LRP1B: variants seen among roughly 807,000 people sequenced by gnomAD.
LRP1B encodes the protein low-density lipoprotein receptor-related protein 1B.
LRP1B carries 217 observed loss-of-function variants against 556.6 expected under a neutral mutation model. The ratio of observed to expected loss-of-function variants is 0.39; its 90% confidence interval spans 0.35 to 0.44. The LOEUF (loss-of-function observed/expected upper bound fraction) is 0.44. Among genes scored for constraint, LRP1B ranks in the 20% least tolerant of loss-of-function variants. The pLI is 1.00. For synonymous variants in LRP1B, 2,047 were observed against 1,865.8 expected (o/e 1.10, Z -2.50); for missense variants, 5,053 against 5,620.8 (o/e 0.90, Z 3.23).
chr2:141,107,822 A>G (rs761185787), intron 7 of LRP1B, among the ~76,000 whole-genome samples: 8 of 152,186 alleles, frequency 5.3e-5, no homozygotes, highest in African/African-American at 1.2e-4. Context: ...TGATATGATC[A>G]CAGTTTTATT....
In LRP1B at chr2:140,552,427, G is replaced by GA. The variant is rs531226832; in HGVS notation, c.7195-10457dup. On this transcript the variant is annotated intron_variant, in intron 43 of 90. Coordinates refer to ENST00000389484, the MANE Select transcript of LRP1B (RefSeq NM_018557.3). ...TACTTCTGCTGACATAGAGAGAGGA[G>GA]AAAAAAATATTAAATTTAGTCCATA... 3.3e-5 allele frequency among the ~76,000 whole-genome samples: 5 copies of GA among 152,102 alleles called. No individual in the cohort carries two copies. In the South Asian group the frequency reaches 6.2e-4, roughly 19 times the overall value.
chr2:141,140,196 C>G (rs533027370), intron 7 of LRP1B, among the ~76,000 whole-genome samples: 2 of 152,098 alleles, frequency 1.3e-5, no homozygotes, highest in Admixed American at 1.3e-4. Flanking sequence ...GGAAAAACTA[C>G]ATAGAGCACA....
At chr2:140,879,416 A>T (rs1346804792) in intron 25 of LRP1B, among the ~76,000 whole-genome samples, 1 of 152,170 alleles carries the variant, frequency 6.6e-6, no homozygotes, top group Admixed American at 6.5e-5. Context: ...CAGTGTTAGT[A>T]TACTTCTATG....
chr2:141,288,915 C>T (rs972326303), intron 3 of LRP1B, among the ~76,000 whole-genome samples: 1 of 152,158 alleles, frequency 6.6e-6, no homozygotes, highest in African/African-American at 2.4e-5. Context: ...CTAGAAAGTG[C>T]AGACATCACT....
chr2:140,903,055 T>C lies in LRP1B; in HGVS notation c.3631A>G (p.Thr1211Ala), dbSNP rs1694149288. The change falls in exon 23 of 91, where the codon ACA becomes GCA. Residue 1211 changes from threonine (T) to alanine (A), a missense_variant. Coordinates refer to ENST00000389484, the MANE Select transcript of LRP1B (RefSeq NM_018557.3). ...EGLQLNKDNK[T>A]CEIVDYCSNH... The stretch of plus-strand genomic sequence containing the variant: ...CTACAATAATCCACAATTTCACATG[T>C]TTTATTGTCTTTGTTGAGTTGAAGT... The C allele has an allele frequency of 6.2e-7, 1 of 1,613,564 alleles. No individual in the cohort carries two copies.
chr2:141,230,765 G>A (rs923427699), intron 5 of LRP1B, among the ~76,000 whole-genome samples: 1 of 152,096 alleles, frequency 6.6e-6, no homozygotes, highest in African/African-American at 2.4e-5. Context: ...TGGCTTACTT[G>A]CTCACCTCTT....
At chr2:140,398,521 T>TGTTGTTGTTGTCGTC (rs1336445447) in intron 66 of LRP1B, among the ~76,000 whole-genome samples, 1 of 151,916 alleles carries the variant, frequency 6.6e-6, no homozygotes, top group South Asian at 2.1e-4. Flanking sequence ...CTTTCTCTTT[T>TGTTGTTGTTGTCGTC]GTTGTTGTTG....
chr2:141,766,179 T>G (rs945894932), intron 2 of LRP1B, among the ~76,000 whole-genome samples: 2 of 152,174 alleles, frequency 1.3e-5, no homozygotes, highest in Admixed American at 6.5e-5. Context: ...TAGAGAAGTA[T>G]AGATTTTCAG....
chr2:140,492,509 A>G, intron 57 of LRP1B, 99 bp downstream of exon 57: 1 of 736,734 alleles, frequency 1.4e-6, no homozygotes, highest in Non-Finnish European at 2.3e-6. Flanking sequence ...ACAACTAAAA[A>G]TATGCTTCAC....
chr2:141,113,521 T>C (rs1700806050), intron 7 of LRP1B, among the ~76,000 whole-genome samples: 1 of 152,158 alleles, frequency 6.6e-6, no homozygotes, highest in Non-Finnish European at 1.5e-5. Flanking sequence ...CTGCTTAGTT[T>C]TAATGGTCTA....
intron 20 of LRP1B, among the ~76,000 whole-genome samples, chr2:140,926,706 T>C (rs1694897223): frequency 6.6e-6 from 1 of 152,134 alleles, no homozygotes; most frequent in Non-Finnish European, 1.5e-5. Context: ...GTCTATATAT[T>C]CGGGAACTTC....
intron 2 of LRP1B, among the ~76,000 whole-genome samples, chr2:141,636,308 A>C (rs1028877013): frequency 6.6e-6 from 1 of 152,216 alleles, no homozygotes; most frequent in Admixed American, 6.6e-5. Flanking sequence ...CAAAAAAAGC[A>C]TGAACATAAT....
intron 32 of LRP1B, among the ~76,000 whole-genome samples, chr2:140,803,341 A>ATCTTGGC (rs1204972720): frequency 1.6e-4 from 22 of 135,514 alleles, no homozygotes; most frequent in Admixed American, 7.5e-4. Flanking sequence ...GTGGCGCGCG[A>ATCTTGGC]TCTTGGCTCA....
At chr2:142,042,509 C>A (rs1704098026) in intron 1 of LRP1B, among the ~76,000 whole-genome samples, 1 of 151,308 alleles carries the variant, frequency 6.6e-6, no homozygotes, top group African/African-American at 2.4e-5. Context: ...AACTGTATAC[C>A]ATTTGATCTC....
Position 142,112,574 on chromosome 2 carries a change from A to ATT in LRP1B, c.82+18072_82+18073dup, listed in dbSNP as rs1271810738. On this transcript the variant is annotated intron_variant, in intron 1 of 90. Coordinates refer to ENST00000389484, the MANE Select transcript of LRP1B (RefSeq NM_018557.3). ...AAAATCAGAGGCATTTGTTCCATCT[A>ATT]TTGCATGGCATTGCTCTGTGATTTT... 2.6e-4 allele frequency among the ~76,000 whole-genome samples: 39 copies of ATT among 152,086 alleles called. 1 individual carries two copies. Among genetic ancestry groups the ATT allele is most frequent in the Admixed American group, 9.2e-4 (14 of 15,216 alleles).
At chr2:140,512,389 T>A (rs1689705922) in intron 51 of LRP1B, among the ~76,000 whole-genome samples, 1 of 152,176 alleles carries the variant, frequency 6.6e-6, no homozygotes, top group African/African-American at 2.4e-5. Context: ...TAGTTGCCAC[T>A]GCCATCTGGA....
At chr2:140,362,825 T>A (rs1006870004) in intron 72 of LRP1B, among the ~76,000 whole-genome samples, 23 of 151,798 alleles carry the variant, frequency 1.5e-4, no homozygotes, top group African/African-American at 5.3e-4. Context: ...TGTATCACAG[T>A]TTGTAAGTAT....
chr2:140,605,659 C>T (rs112926106), intron 41 of LRP1B, among the ~76,000 whole-genome samples: 1 of 151,224 alleles, frequency 6.6e-6, no homozygotes, highest in African/African-American at 2.4e-5. Flanking sequence ...TGCCTGCCTC[C>T]GTTTCTTTCC....
At chr2:141,287,469 C>T (rs1685765147) in intron 3 of LRP1B, among the ~76,000 whole-genome samples, 1 of 151,978 alleles carries the variant, frequency 6.6e-6, no homozygotes, top group South Asian at 2.1e-4. Flanking sequence ...ACTACAGGTG[C>T]CCACCACCAT....
Sources: gnomAD v4.1 joint callset for allele counts (sites outside exome capture counted in the v4.1 genomes callset) on GRCh38, gnomAD v4.1.1 for gene constraint, MANE v1.5 for transcripts, NCBI Gene and HGNC (gene_info 2026-07-23, HGNC 2026-07-21) for gene names.